Variants in MAP3K7CL observed in about 807,000 individuals in gnomAD.
MAP3K7CL encodes MAP3K7 C-terminal-like protein.
A neutral mutation model predicts 18.6 loss-of-function variants in MAP3K7CL; 16 were observed. That is an observed-to-expected ratio of 0.86 (90% CI 0.58 to 1.31). The LOEUF (loss-of-function observed/expected upper bound fraction) is 1.31, where lower values mean the gene tolerates loss of function less well. Ranked by LOEUF, MAP3K7CL falls within the 50% of genes most tolerant of loss-of-function variation. MAP3K7CL has a pLI of 0.00. For missense variants in MAP3K7CL, 163 were observed against 174.4 expected, an observed-to-expected ratio of 0.93 and a Z score of 0.37; for synonymous variants, 65 against 66.8, an observed-to-expected ratio of 0.97 and a Z score of 0.13.
chr21:29,150,216 G>A (rs1476196736), intron 3 of MAP3K7CL, among the ~76,000 whole-genome samples: 1 of 152,198 alleles, frequency 6.6e-6, no homozygotes, highest in Non-Finnish European at 1.5e-5. Context: ...CAACAGAGGT[G>A]GAAGAAGAAC....
chr21:29,158,917 CTTTTTTT>C (rs36003464), intron 3 of MAP3K7CL, among the ~76,000 whole-genome samples: 3 of 100,446 alleles, frequency 3.0e-5, no homozygotes, highest in South Asian at 3.3e-4. Flanking sequence ...AAAAGTAGTA[CTTTTTTT>C]TTTTTTTTTT....
At chr21:29,078,054 A>T (rs985873770) in intron 1 of MAP3K7CL, among the ~76,000 whole-genome samples, 1 of 152,076 alleles carries the variant, frequency 6.6e-6, no homozygotes, top group African/African-American at 2.4e-5. Flanking sequence ...GTACGTCAGA[A>T]TTGTTTAATG....
At chr21:29,149,111 G>T in intron 2 of MAP3K7CL, 78 bp from the exon 3 acceptor site, 2 of 1,138,540 alleles carry the variant, frequency 1.8e-6, no homozygotes, top group East Asian at 2.4e-5. Context: ...TATACTGATG[G>T]TCTAACTCTG....
chr21:29,092,026 T>C (rs1355427599), intron 3 of MAP3K7CL, among the ~76,000 whole-genome samples: 5 of 152,222 alleles, frequency 3.3e-5, no homozygotes, highest in Non-Finnish European at 1.5e-5. Context: ...AAGCTGGGCC[T>C]GCATGACTCC....
chr21:29,161,187 G>A (rs1207014493), intron 4 of MAP3K7CL, among the ~76,000 whole-genome samples: 3 of 152,152 alleles, frequency 2.0e-5, no homozygotes, highest in Non-Finnish European at 4.4e-5. Flanking sequence ...GCGGGCACCT[G>A]TAATCCCAGC....
At chr21:29,079,134 C>T (rs992804818) in intron 1 of MAP3K7CL, among the ~76,000 whole-genome samples, 1 of 152,202 alleles carries the variant, frequency 6.6e-6, no homozygotes, top group African/African-American at 2.4e-5. Context: ...AGACCCACGT[C>T]TCATCAGAAC....
intron 4 of MAP3K7CL, among the ~76,000 whole-genome samples, chr21:29,172,740 AT>A (rs2087871811): frequency 6.6e-6 from 1 of 152,160 alleles, no homozygotes; most frequent in Non-Finnish European, 1.5e-5. Context: ...GTATTATATA[AT>A]AAAACATGTT....
At chr21:29,162,676 T>A (rs2087579798) in intron 4 of MAP3K7CL, among the ~76,000 whole-genome samples, 1 of 129,552 alleles carries the variant, frequency 7.7e-6, no homozygotes, top group African/African-American at 3.0e-5. Flanking sequence ...AGAGCAAAAC[T>A]CTGTCTCAAA....
At chr21:29,126,517 G>GGT (rs2086684183), upstream of MAP3K7CL, among the ~76,000 whole-genome samples, 10 of 152,118 alleles carry the variant, frequency 6.6e-5, 1 homozygote, top group South Asian at 2.1e-3. Flanking sequence ...GGAGTACAAT[G>GGT]GTGTGGTCTT....
chr21:29,081,744 C>T (rs966026301), upstream of MAP3K7CL, among the ~76,000 whole-genome samples: 1 of 152,214 alleles, frequency 6.6e-6, no homozygotes, highest in Non-Finnish European at 1.5e-5. Context: ...CCACAGATTG[C>T]AAGTTTGGGT....
intron 4 of MAP3K7CL, among the ~76,000 whole-genome samples, chr21:29,173,671 A>T (rs1186348920): frequency 6.6e-6 from 1 of 152,146 alleles, no homozygotes; most frequent in Non-Finnish European, 1.5e-5. Context: ...TGTTTATTAA[A>T]TCTACACATG....
At chr21:29,169,460 C>T (rs1274049052) in intron 4 of MAP3K7CL, among the ~76,000 whole-genome samples, 1 of 152,182 alleles carries the variant, frequency 6.6e-6, no homozygotes, top group Non-Finnish European at 1.5e-5. Context: ...CGTATGAATG[C>T]TTTTACTCAG....
intron 3 of MAP3K7CL, among the ~76,000 whole-genome samples, chr21:29,159,099 TTAG>T (rs1050329954): frequency 6.6e-6 from 1 of 152,168 alleles, no homozygotes; most frequent in African/African-American, 2.4e-5. Context: ...TTTTGTATTT[TTAG>T]TAGAGATGGG....
chr21:29,127,850 G>A (rs888222092), upstream of MAP3K7CL: 1 of 152,216 alleles, frequency 6.6e-6, no homozygotes, highest in African/African-American at 2.4e-5. Context: ...TGTTGGTGAG[G>A]AGCTGTTGAC....
At chr21:29,171,817 AAAAAAAAAAAAAC>A (rs953235057) in intron 4 of MAP3K7CL, among the ~76,000 whole-genome samples, 6 of 151,510 alleles carry the variant, frequency 4.0e-5, no homozygotes, top group African/African-American at 1.5e-4. Context: ...AAAAAAAAAA[AAAAAAAAAAAAAC>A]AACACTCCCA....
intron 4 of MAP3K7CL, among the ~76,000 whole-genome samples, chr21:29,103,562 A>T (rs748095711): frequency 6.6e-6 from 1 of 152,118 alleles, no homozygotes; most frequent in African/African-American, 2.4e-5. Flanking sequence ...GAAACCCTTC[A>T]TCTCTACTAA....
intron 4 of MAP3K7CL, among the ~76,000 whole-genome samples, chr21:29,110,243 A>G (rs947625828): frequency 6.6e-6 from 1 of 152,200 alleles, no homozygotes; most frequent in African/African-American, 2.4e-5. Flanking sequence ...CTTTGCCACC[A>G]TATCCCTCCA....
chr21:29,124,622 G>T (rs994505635), intron 4 of MAP3K7CL, among the ~76,000 whole-genome samples: 1 of 152,178 alleles, frequency 6.6e-6, no homozygotes, highest in Non-Finnish European at 1.5e-5. Context: ...AAACTCTGAG[G>T]ATCAGGTAAA....
rs142577984 is a variant in MAP3K7CL, at chr21:29,175,754, A to C, written c.*862A>C. On this transcript the variant is annotated 3_prime_UTR_variant, in exon 5 of 5. Coordinates refer to ENST00000399928, the MANE Select transcript of MAP3K7CL (RefSeq NM_001286620.2). Reference sequence around the variant, plus strand: ...TAGATCAGTAACAGCTAATAGGAATATGCGAGTAAATTCAGAATTGAAACA... The same window carrying C: ...TAGATCAGTAACAGCTAATAGGAATCTGCGAGTAAATTCAGAATTGAAACA... 6.6e-6 allele frequency: 1 copy of C among 152,364 alleles called. No individual in the cohort carries two copies. The highest frequency in any genetic ancestry group is 1.9e-4 in the East Asian group (1 of 5,192). 9.4% of individuals were successfully genotyped at this position (152,364 alleles called of 1,614,324 possible).
Sources: allele counts gnomAD v4.1 joint callset (sites outside exome capture counted in the v4.1 genomes callset), GRCh38; gene constraint gnomAD v4.1.1; transcripts MANE v1.5; gene names NCBI Gene and HGNC (gene_info 2026-07-23, HGNC 2026-07-21).